ZNF829: variants seen among roughly 807,000 people sequenced by gnomAD.
ZNF829 encodes the protein zinc finger protein 829.
In ZNF829, 25 loss-of-function variants were observed where a neutral mutation model predicts 35.2. That is an observed-to-expected ratio of 0.71 (90% CI 0.52 to 0.99). The LOEUF (loss-of-function observed/expected upper bound fraction) is 0.99. Ranked by LOEUF, ZNF829 falls within the 50% of genes least tolerant of loss-of-function variation. ZNF829 has a pLI of 0.00. For missense variants in ZNF829, 417 were observed against 515.3 expected, an observed-to-expected ratio of 0.81 and a Z score of 1.85; for synonymous variants, 136 against 163.2, an observed-to-expected ratio of 0.83 and a Z score of 1.27.
At chr19:36,899,099 C>T (rs1311145433) in intron 5 of ZNF829, among the ~76,000 whole-genome samples, 1 of 152,110 alleles carries the variant, frequency 6.6e-6, no homozygotes, top group East Asian at 1.9e-4. Flanking sequence ...TATTTGCAAA[C>T]TCTTCACCTG....
At chr19:36,907,469 C>T (rs1406139241) in intron 5 of ZNF829, 1 of 159,278 alleles carries the variant, frequency 6.3e-6, no homozygotes, top group Admixed American at 6.5e-5. Flanking sequence ...CAATCATAGT[C>T]ATGCAGTTTT....
At position 36,891,563 on chromosome 19, in the gene ZNF829, A is replaced by G. The variant is rs1345798252; in HGVS notation, c.1228T>C (p.Cys410Arg). The G allele has an allele frequency of 6.8e-6, 11 of 1,610,968 alleles. No individual in the cohort carries two copies. Among genetic ancestry groups the G allele is most frequent in the East Asian group, 2.2e-5 (1 of 44,878 alleles). ...CCAAAAGCCTTTCCACATTCCTTACAGTCATAGGGTTTCTCACCAGTGTGA... is the reference window on the plus strand; with the variant it reads ...CCAAAAGCCTTTCCACATTCCTTACGGTCATAGGGTTTCTCACCAGTGTGA... Reference protein sequence around the residue: ...RIHTGEKPYDCKECGKAFGSR... With the variant: ...RIHTGEKPYDRKECGKAFGSR... Residue 410 changes from cysteine (C) to arginine (R), a missense_variant, in exon 6 of 6, where the codon TGT becomes CGT. Coordinates refer to ENST00000391711, the MANE Select transcript of ZNF829 (RefSeq NM_001037232.4).
chr19:36,895,777 A>G (rs1342514502), intron 5 of ZNF829, among the ~76,000 whole-genome samples: 2 of 152,252 alleles, frequency 1.3e-5, no homozygotes, highest in Admixed American at 1.3e-4. Flanking sequence ...ATATAATGAT[A>G]AATGGGTCAA....
intron 5 of ZNF829, chr19:36,901,872 G>C: frequency 2.6e-6 from 2 of 756,380 alleles, no homozygotes; most frequent in Admixed American, 3.5e-5. Context: ...CGTGCCCCTC[G>C]GACACTCAAA....
In ZNF829 at chr19:36,892,321, T is replaced by C; in HGVS notation, c.470A>G (p.Glu157Gly). 6.2e-7 allele frequency: 1 copy of C among 1,613,862 alleles called. No individual in the cohort carries two copies. Among genetic ancestry groups the C allele is most frequent in the Non-Finnish European group, 8.5e-7 (1 of 1,179,976 alleles). ...QKTMSEEKPW[E>G]CKICGKTFNQ... ...AAAGGTCTTTCCACATATCTTACAT[T>C]CCCATGGTTTCTCTTCACTCATAGT... is the stretch of plus-strand genomic sequence containing the variant. The change falls in exon 6 of 6, where the codon GAA becomes GGA. Residue 157 changes from glutamate (E) to glycine (G), a missense_variant. Coordinates refer to ENST00000391711, the MANE Select transcript of ZNF829 (RefSeq NM_001037232.4).
intron 1 of ZNF829, chr19:36,915,680 C>T: frequency 3.1e-6 from 2 of 639,874 alleles, no homozygotes; most frequent in South Asian, 3.7e-5. Flanking sequence ...TCACTGCAAC[C>T]TCCGCCTCCC....
In ZNF829 at chr19:36,915,177, T is replaced by G; in HGVS notation, c.-10A>C. ...GAGGAGAATGGGGCATTCTGTCCAA[T>G]TCCAGTGGCTCAGGGGAAAGGTTGT... On this transcript the variant is annotated 5_prime_UTR_variant, in exon 2 of 6. Coordinates refer to ENST00000391711, the MANE Select transcript of ZNF829 (RefSeq NM_001037232.4). 6.2e-7 allele frequency: 1 copy of G among 1,614,078 alleles called. No homozygotes were observed. Among genetic ancestry groups the G allele is most frequent in the Non-Finnish European group, 8.5e-7 (1 of 1,179,986 alleles).
chr19:36,902,497 T>C (rs2073176812), intron 5 of ZNF829, among the ~76,000 whole-genome samples: 1 of 151,964 alleles, frequency 6.6e-6, no homozygotes, highest in African/African-American at 2.4e-5. Flanking sequence ...TAGCCGGTCA[T>C]GGTGCCGTGC....
chr19:36,900,738 C>T (rs763968227), intron 5 of ZNF829, among the ~76,000 whole-genome samples: 5 of 151,130 alleles, frequency 3.3e-5, no homozygotes, highest in East Asian at 1.9e-4. Flanking sequence ...ATCCCAGCTA[C>T]GCAGGAGGCT....
Position 36,908,034 on chromosome 19 carries a change from A to G in ZNF829, c.224-10T>C. 6.2e-7 allele frequency: 1 copy of G among 1,612,038 alleles called. No individual in the cohort carries two copies. Among genetic ancestry groups the G allele is most frequent in the East Asian group, 2.2e-5 (1 of 44,868 alleles). ...TTAGAATTGGAAAGTCCTGTTCACAAGAAAAGACATGGGACATGGTTATGC... is the reference window on the plus strand; with the variant it reads ...TTAGAATTGGAAAGTCCTGTTCACAGGAAAAGACATGGGACATGGTTATGC... On this transcript the variant is annotated splice_polypyrimidine_tract_variant and intron_variant, in intron 4 of 5. Coordinates refer to ENST00000391711, the MANE Select transcript of ZNF829 (RefSeq NM_001037232.4).
intron 4 of ZNF829, 58 bp from the exon 5 acceptor site, chr19:36,908,082 T>A: frequency 1.4e-6 from 2 of 1,473,176 alleles, no homozygotes; most frequent in South Asian, 1.2e-5. Flanking sequence ...AGAAATCAGA[T>A]CCAGTCCCTT....
chr19:36,895,166 A>C (rs925743237), intron 5 of ZNF829, among the ~76,000 whole-genome samples: 1 of 152,136 alleles, frequency 6.6e-6, no homozygotes, highest in African/African-American at 2.4e-5. Context: ...GAATGGGATG[A>C]TATATTCAAA....
intron 5 of ZNF829, among the ~76,000 whole-genome samples, chr19:36,896,730 C>A (rs1056010592): frequency 9.2e-5 from 14 of 152,168 alleles, no homozygotes; most frequent in African/African-American, 3.4e-4. Context: ...GGCCATAAGA[C>A]AAGTTATAAC....
rs113198125 is a variant in ZNF829, at chr19:36,909,499, G to A, written c.97-1040C>T. On this transcript the variant is annotated intron_variant, in intron 3 of 5. Coordinates refer to ENST00000391711, the MANE Select transcript of ZNF829 (RefSeq NM_001037232.4). ...ATGTCTGCAAGGTCCTAATCACAGG[G>A]ATAGCAATGATTGAAAGAAAAATTA... is the stretch of plus-strand genomic sequence containing the variant. Among the ~76,000 whole-genome samples the A allele has an allele frequency of 3.2e-3, 483 of 152,226 alleles. 3 individuals are homozygous for A. The highest frequency in any genetic ancestry group is 0.011 in the African/African-American group (464 of 41,542).
In ZNF829 at chr19:36,889,744, A is replaced by G. The variant is rs1461445744; in HGVS notation, c.*1748T>C. The G allele has an allele frequency of 6.6e-6, 1 of 151,904 alleles. No individual in the cohort carries two copies. Among genetic ancestry groups the G allele is most frequent in the Non-Finnish European group, 1.5e-5 (1 of 67,964 alleles). 9.4% of individuals were successfully genotyped at this position (151,904 alleles called of 1,614,324 possible). ...ACTTTTTCTTTTATTGATCTTTTGC[A>G]TTCCTTTGTTCTCAGTCTCATTTTT... On this transcript the variant is annotated 3_prime_UTR_variant, in exon 6 of 6. Coordinates refer to ENST00000391711, the MANE Select transcript of ZNF829 (RefSeq NM_001037232.4).
intron 3 of ZNF829, among the ~76,000 whole-genome samples, chr19:36,913,954 G>A (rs506758): frequency 9.9e-5 from 15 of 152,072 alleles, no homozygotes; most frequent in Non-Finnish European, 2.2e-4. Context: ...ACATACCCAT[G>A]CACATATAGA....
intron 5 of ZNF829, among the ~76,000 whole-genome samples, chr19:36,899,323 C>CCACTACTACTT (rs1176395068): frequency 1.3e-5 from 2 of 151,836 alleles, no homozygotes; most frequent in Admixed American, 6.6e-5. Flanking sequence ...CATGCACCTG[C>CCACTACTACTT]AGTCTTAGCT....
chr19:36,895,704 T>C (rs2073105557), intron 5 of ZNF829, among the ~76,000 whole-genome samples: 1 of 150,728 alleles, frequency 6.6e-6, no homozygotes, highest in African/African-American at 2.4e-5. Flanking sequence ...CAAGTGAGAG[T>C]AGCCATACTT....
Position 36,889,455 on chromosome 19 carries a change from T to A in ZNF829, c.*2037A>T, listed in dbSNP as rs922058370. On this transcript the variant is annotated 3_prime_UTR_variant, in exon 6 of 6. Coordinates refer to ENST00000391711, the MANE Select transcript of ZNF829 (RefSeq NM_001037232.4). ...TTGTTTTTGCAAGATTTTTTTCTAT[T>A]ACTGATTCAATTTCAATACTCAGTA... 6.6e-6 allele frequency: 1 copy of A among 152,186 alleles called. No homozygotes were observed. Among genetic ancestry groups the A allele is most frequent in the Non-Finnish European group, 1.5e-5 (1 of 68,036 alleles). 9.4% of individuals were successfully genotyped at this position (152,186 alleles called of 1,614,324 possible). A position where few individuals can be genotyped will look rare whatever the true frequency, so the allele number is the denominator to read the frequency against.
Sources: gnomAD v4.1 joint callset for allele counts (sites outside exome capture counted in the v4.1 genomes callset) on GRCh38, gnomAD v4.1.1 for gene constraint, MANE v1.5 for transcripts, NCBI Gene and HGNC (gene_info 2026-07-23, HGNC 2026-07-21) for gene names.